The following ZG16 variants were observed in gnomAD, a reference collection of about 807,000 sequenced individuals.
The protein encoded by ZG16 is zymogen granule membrane protein 16.
In ZG16, 9 loss-of-function variants were observed where a neutral mutation model predicts 15.6. The ratio of observed to expected loss-of-function variants is 0.58; its 90% CI spans 0.35 to 1.00. The LOEUF (loss-of-function observed/expected upper bound fraction) is 1.00, where lower values mean the gene tolerates loss of function less well. Ranked by LOEUF, ZG16 falls within the 50% of genes least tolerant of loss-of-function variation. ZG16 has a pLI of 0.02. For missense variants in ZG16, 174 were observed against 214.8 expected, an observed-to-expected ratio of 0.81 and a Z score of 1.19; for synonymous variants, 89 against 87.4, an observed-to-expected ratio of 1.02 and a Z score of -0.10.
chr16:29,779,632 C>G lies in ZG16; in HGVS notation c.183C>G (p.Ile61Met). The G allele has an allele frequency of 6.5e-7, 1 of 1,537,124 alleles. No individual in the cohort carries two copies. The highest frequency in any genetic ancestry group is 2.0e-5 in the Admixed American group (1 of 50,980). Residue 61 changes from isoleucine to methionine, a missense_variant, in exon 3 of 4, where the codon ATC (isoleucine) becomes ATG (methionine). Transcript: ENST00000400752. ...GGGTCCGAGTCAACACATACTACAT[C>G]GTAGGGTAAGATTCTTTGAATTCCT... is the stretch of plus-strand genomic sequence containing the variant. ...ALRVRVNTYY[I>M]VGLQVRYGKV...
rs191755298 is a variant in ZG16 at position 29,779,802 on chromosome 16, T to C, written c.188+165T>C. The stretch of plus-strand genomic sequence containing the variant: ...CCATGCTCCAGGTACCAAGACCCCA[T>C]CTCTACCGAAGAAAAACAAAAAAAT... On this transcript the variant is annotated intron_variant, in intron 3 of 3. Coordinates refer to ENST00000400752, the MANE Select transcript of ZG16 (RefSeq NM_152338.4). Among the ~76,000 whole-genome samples the C allele has an allele frequency of 1.3e-4, 19 of 151,948 alleles. No individual in the cohort carries two copies. In the East Asian group the frequency reaches 3.5e-3, roughly 28 times the overall value.
At position 29,779,487 on chromosome 16, in the gene ZG16, T is replaced by C. The variant is rs1898597015; in HGVS notation, c.56-18T>C. On this transcript the variant is annotated intron_variant, in intron 2 of 3. Coordinates refer to ENST00000400752, the MANE Select transcript of ZG16 (RefSeq NM_152338.4). ...CTCCTGGAAGATTTCTCCCTCCAACTCCTGCTTGCCCCTCCAGTTCAGGCC... is the reference window on the plus strand; with the variant it reads ...CTCCTGGAAGATTTCTCCCTCCAACCCCTGCTTGCCCCTCCAGTTCAGGCC... 6.5e-7 allele frequency: 1 copy of C among 1,536,052 alleles called. No individual in the cohort carries two copies. The highest frequency in any genetic ancestry group is 2.0e-5 in the Admixed American group (1 of 50,956).
In ZG16 at chr16:29,780,326, C is replaced by G. The variant is rs1174473307; in HGVS notation, c.411C>G (p.Thr137=). ...ATGCCGTCCCCTTGCACCCCAACAC[C>G]GTGCTCCGCTTCATCAGTGGCCGGT... is the stretch of plus-strand genomic sequence containing the variant. ...SFNAVPLHPN[T]VLRFISGRSG... is the part of the protein sequence containing the mutation. The change falls in exon 4 of 4, where the codon ACC becomes ACG. Residue 137 remains threonine, a synonymous_variant. Coordinates refer to ENST00000400752, the MANE Select transcript of ZG16 (RefSeq NM_152338.4). 1 of 1,537,368 alleles carries G rather than the reference C, an allele frequency of 6.5e-7. No individual in the cohort carries two copies. The highest frequency in any genetic ancestry group is 2.4e-5 in the East Asian group (1 of 40,926).
Position 29,780,672 on chromosome 16 carries a change from A to G in ZG16, c.*253A>G, listed in dbSNP as rs1461440236. 4.5e-6 allele frequency: 2 copies of G among 449,392 alleles called. No individual in the cohort carries two copies. The highest frequency in any genetic ancestry group is 3.8e-5 in the East Asian group (1 of 26,168). The allele number at this position is 449,392 out of a possible 1,614,324, so 27.8% of individuals were successfully genotyped here. A position where few individuals can be genotyped will look rare whatever the true frequency, so the allele number is the denominator to read the frequency against. Reference sequence around the variant, plus strand: ...AATCCTGGGCTTTGTGCTATAATTTATCAAGAGGAGATGAGATTCTGGCTT... The same window carrying G: ...AATCCTGGGCTTTGTGCTATAATTTGTCAAGAGGAGATGAGATTCTGGCTT... On this transcript the variant is annotated 3_prime_UTR_variant, in exon 4 of 4. Coordinates refer to ENST00000400752, the MANE Select transcript of ZG16 (RefSeq NM_152338.4).
rs1898635576 is a variant in ZG16 at position 29,782,622 on chromosome 16, C to G, written c.*2203C>G. 1 of 152,014 alleles carries G rather than the reference C, an allele frequency of 6.6e-6. No homozygotes were observed. The highest frequency in any genetic ancestry group is 2.4e-5 in the African/African-American group (1 of 41,402). The allele number at this position is 152,014 out of a possible 1,614,324, so 9.4% of individuals were successfully genotyped here. On this transcript the variant is annotated 3_prime_UTR_variant, in exon 4 of 4. Coordinates refer to ENST00000400752, the MANE Select transcript of ZG16 (RefSeq NM_152338.4). The stretch of plus-strand genomic sequence containing the variant: ...TGCCATTGGCTTGCATTGGGACTAT[C>G]TATCCCAGCCTATCCAGTGACTTCA...
chr16:29,779,779 A>G, intron 3 of ZG16, 142 bp downstream of exon 3: 3 of 1,184,364 alleles, frequency 2.5e-6, no homozygotes, highest in Non-Finnish European at 3.5e-6. Context: ...GATTTAAACC[A>G]TGCTCCAGGT....
chr16:29,779,341 C>G lies in ZG16; in HGVS notation c.55+20C>G, dbSNP rs563976251. ...ATGCCAGTAAGTGAGATACCAGGAG[C>G]CTGGTATTGGGGACTTGGGAAGGCA... On this transcript the variant is annotated intron_variant, in intron 2 of 3. Coordinates refer to ENST00000400752, the MANE Select transcript of ZG16 (RefSeq NM_152338.4). 6.5e-7 allele frequency: 1 copy of G among 1,537,340 alleles called. No homozygotes were observed. The highest frequency in any genetic ancestry group is 2.0e-5 in the Admixed American group (1 of 50,982).
At position 29,780,736 on chromosome 16, in the gene ZG16, A is replaced by T. The variant is rs1401907484; in HGVS notation, c.*317A>T. ...TCAAGGACAGCTCCTTGGAACATTG[A>T]TCCAAACTGGAGTCATGGGTCTGAG... On this transcript the variant is annotated 3_prime_UTR_variant, in exon 4 of 4. Coordinates refer to ENST00000400752, the MANE Select transcript of ZG16 (RefSeq NM_152338.4). 3.6e-6 allele frequency: 1 copy of T among 278,942 alleles called. No homozygotes were observed. The highest frequency in any genetic ancestry group is 2.2e-5 in the African/African-American group (1 of 45,340). The allele number at this position is 278,942 out of a possible 1,614,324, so 17.3% of individuals were successfully genotyped here.
chr16:29,779,461 ACTC>A (rs1408581482), intron 2 of ZG16, 41 bp from the exon 3 acceptor site: 2 of 1,533,734 alleles, frequency 1.3e-6, no homozygotes, highest in African/African-American at 2.8e-5. Flanking sequence ...GAGAAACTGA[ACTC>A]CTGGAAGATT....
chr16:29,780,151 G>A lies in ZG16; in HGVS notation c.236G>A (p.Arg79His), dbSNP rs1404425014. The change falls in exon 4 of 4, where the codon CGC becomes CAC. Residue 79 changes from arginine to histidine, a missense_variant. Physicochemically the swap from Arg to His is conservative, Grantham distance 29 (BLOSUM62 0). Coordinates refer to ENST00000400752, the MANE Select transcript of ZG16 (RefSeq NM_152338.4). ...GKVWSDYVGG[R>H]NGDLEEIFLH... ...GTGTGGAGCGACTATGTGGGTGGTC[G>A]CAACGGAGACCTGGAGGAGATCTTT... 6.5e-6 allele frequency: 10 copies of A among 1,537,010 alleles called. No individual in the cohort carries two copies. Among genetic ancestry groups the A allele is most frequent in the East Asian group, 2.4e-5 (1 of 40,916 alleles).
rs541066167 is a variant in ZG16 at position 29,779,567 on chromosome 16, C to A, written c.118C>A (p.His40Asn). The change falls in exon 3 of 4, where the codon CAT (histidine) becomes AAT (asparagine). Residue 40 changes from histidine (H) to asparagine (N), a missense_variant. Coordinates refer to ENST00000400752, the MANE Select transcript of ZG16 (RefSeq NM_152338.4). ...AGGTGGTGGTGGAAAGCGATTCTCT[C>A]ATTCTGGCAACCAGTTGGACGGCCC... ...YGGGGGKRFS[H>N]SGNQLDGPIT... The A allele has an allele frequency of 6.5e-7, 1 of 1,537,202 alleles. No homozygotes were observed. Among genetic ancestry groups the A allele is most frequent in the Admixed American group, 2.0e-5 (1 of 50,960 alleles).
rs1333193725 is a variant in ZG16 at position 29,779,525 on chromosome 16, T to A, written c.76T>A (p.Tyr26Asn). ...GNAIQARSSSYSGEYGGGGGK... is the reference protein window; with the variant it reads ...GNAIQARSSSNSGEYGGGGGK... ...TCCAGTTCAGGCCAGGTCTTCCTCC[T>A]ATAGTGGAGAGTATGGAGGTGGTGG... The change falls in exon 3 of 4, where the codon TAT (tyrosine) becomes AAT (asparagine). Residue 26 changes from tyrosine (Y) to asparagine (N), a missense_variant. Physicochemically the swap from Tyr to Asn is moderately radical, Grantham distance 143 (BLOSUM62 -2). Coordinates refer to ENST00000400752, the MANE Select transcript of ZG16 (RefSeq NM_152338.4). The A allele has an allele frequency of 4.0e-5, 62 of 1,537,060 alleles. No individual in the cohort carries two copies. Among genetic ancestry groups the A allele is most frequent in the Non-Finnish European group, 5.1e-5 (59 of 1,146,918 alleles).
In ZG16 at chr16:29,782,847, T is replaced by C. The variant is rs986488396; in HGVS notation, c.*2428T>C. On this transcript the variant is annotated 3_prime_UTR_variant, in exon 4 of 4. Coordinates refer to ENST00000400752, the MANE Select transcript of ZG16 (RefSeq NM_152338.4). Reference sequence around the variant, plus strand: ...TAAATTGTGAAGATTTCATGGACATTTACCAGTTCCCAAAATTAATACTTT... The same window carrying C: ...TAAATTGTGAAGATTTCATGGACATCTACCAGTTCCCAAAATTAATACTTT... 1.3e-5 allele frequency: 2 copies of C among 152,440 alleles called. No homozygotes were observed. Among genetic ancestry groups the C allele is most frequent in the Non-Finnish European group, 2.9e-5 (2 of 68,026 alleles). The allele number at this position is 152,440 out of a possible 1,614,324, so 9.4% of individuals were successfully genotyped here.
In ZG16 at chr16:29,781,742, A is replaced by T. The variant is rs1457800047; in HGVS notation, c.*1323A>T. The T allele has an allele frequency of 2.6e-5, 4 of 152,082 alleles. No individual in the cohort carries two copies. The highest frequency in any genetic ancestry group is 9.7e-5 in the African/African-American group (4 of 41,384). The allele number at this position is 152,082 out of a possible 1,614,324, so 9.4% of individuals were successfully genotyped here. On this transcript the variant is annotated 3_prime_UTR_variant, in exon 4 of 4. Transcript: ENST00000400752. ...CAATGAGTTGAGACAGCACAACTGC[A>T]CCCCAGCCTGGATGACAGAGTGAGA...
intron 2 of ZG16, 59 bp from the exon 3 acceptor site, chr16:29,779,446 A>G (rs235635): frequency 0.98 from 1,508,067 of 1,534,796 alleles, 743,939 homozygotes; most frequent in Non-Finnish European, 1. Flanking sequence ...AACAGGGGTG[A>G]TGCAGAGAAA....
chr16:29,779,476 C>G (rs756990972), intron 2 of ZG16, 29 bp from the exon 3 acceptor site: 1 of 1,535,070 alleles, frequency 6.5e-7, no homozygotes. Flanking sequence ...TGGAAGATTT[C>G]TCCCTCCAAC....
chr16:29,780,644 A>G lies in ZG16; in HGVS notation c.*225A>G. The G allele has an allele frequency of 1.8e-6, 1 of 541,188 alleles. No homozygotes were observed. 33.5% of individuals were successfully genotyped at this position (541,188 alleles called of 1,614,324 possible). The stretch of plus-strand genomic sequence containing the variant: ...ATGGGAAGATGAGGGAGAGGTATGT[A>G]AGAATCCTGGGCTTTGTGCTATAAT... On this transcript the variant is annotated 3_prime_UTR_variant, in exon 4 of 4. Transcript: ENST00000400752.
At chr16:29,779,375 C>T in intron 2 of ZG16, 54 bp downstream of exon 2, 1 of 1,535,572 alleles carries the variant, frequency 6.5e-7, no homozygotes, top group Admixed American at 2.0e-5. Context: ...CAGCCTTGGG[C>T]ACTGCTGTTG....
Position 29,780,209 on chromosome 16 carries a change from T to G in ZG16, c.294T>G (p.Ser98=), listed in dbSNP as rs1288066910. ...CTGGGGAATCAGTGATCCAGGTTTC[T>G]GGGAAGTACAAGTGGTACCTGAAGA... The part of the protein sequence containing the change: ...LHPGESVIQV[S]GKYKWYLKKL... Residue 98 remains serine, a synonymous_variant, in exon 4 of 4, where the codon TCT becomes TCG. Transcript: ENST00000400752. The G allele has an allele frequency of 3.3e-6, 5 of 1,537,316 alleles. No homozygotes were observed. Among genetic ancestry groups the G allele is most frequent in the Non-Finnish European group, 4.4e-6 (5 of 1,146,944 alleles).
Sources: allele counts gnomAD v4.1 joint callset (sites outside exome capture counted in the v4.1 genomes callset), GRCh38; gene constraint gnomAD v4.1.1; transcripts MANE v1.5; gene names NCBI Gene and HGNC (gene_info 2026-07-23, HGNC 2026-07-21).